Variants in PGM1 observed in about 807,000 individuals in gnomAD.
The protein encoded by PGM1 is phosphoglucomutase 1.
In PGM1, 52 loss-of-function variants were observed where a neutral mutation model predicts 55.6. That is an observed-to-expected ratio of 0.94 (90% CI 0.75 to 1.18). The LOEUF is 1.18. Among genes scored for constraint, PGM1 ranks in the 50% most tolerant of loss-of-function variants. PGM1 has a pLI of 0.00. For missense variants in PGM1, 724 were observed against 729.3 expected, an observed-to-expected ratio of 0.99 and a Z score of 0.08; for synonymous variants, 287 against 271.7, an observed-to-expected ratio of 1.06 and a Z score of -0.55.
chr1:63,641,031 G>A (rs1309491359), intron 7 of PGM1, among the ~76,000 whole-genome samples: 1 of 152,192 alleles, frequency 6.6e-6, no homozygotes, highest in Non-Finnish European at 1.5e-5. Flanking sequence ...CCCACATAAG[G>A]TTGTGGGTAA....
At chr1:63,613,259 CTTTTTTTTT>C (rs11377805) in intron 1 of PGM1, among the ~76,000 whole-genome samples, 5 of 107,868 alleles carry the variant, frequency 4.6e-5, no homozygotes, top group Admixed American at 4.1e-4. Flanking sequence ...GTTGGCTTAT[CTTTTTTTTT>C]TTTTTTTTTT....
At chr1:63,632,208 A>C (rs1425209976) in intron 4 of PGM1, among the ~76,000 whole-genome samples, 1 of 152,118 alleles carries the variant, frequency 6.6e-6, no homozygotes, top group Non-Finnish European at 1.5e-5. Context: ...AGAAGAGGGC[A>C]AGAGCAAGCT....
At chr1:63,611,192 G>C (rs1234035075) in intron 1 of PGM1, among the ~76,000 whole-genome samples, 4 of 152,112 alleles carry the variant, frequency 2.6e-5, no homozygotes, top group Admixed American at 1.3e-4. Flanking sequence ...CTAGGGAGGG[G>C]AACACGCAGG....
chr1:63,659,464 G>A (rs1650057922), intron 10 of PGM1, 122 bp from the exon 11 acceptor site: 1 of 773,480 alleles, frequency 1.3e-6, no homozygotes, highest in Non-Finnish European at 2.3e-6. Context: ...GTTTGTTTTT[G>A]GATTTGTGGA....
intron 1 of PGM1, among the ~76,000 whole-genome samples, chr1:63,619,497 G>T (rs1272221522): frequency 6.6e-6 from 1 of 152,174 alleles, no homozygotes; most frequent in Non-Finnish European, 1.5e-5. Flanking sequence ...CCCAGCTAAG[G>T]ATGGGACCCT....
intron 6 of PGM1, 116 bp downstream of exon 6, chr1:63,636,504 G>C (rs1649367879): frequency 9.4e-7 from 1 of 1,063,404 alleles, no homozygotes; most frequent in African/African-American, 1.5e-5. Flanking sequence ...CTGATGCATA[G>C]AGTGTGCTGA....
chr1:63,654,033 C>T (rs1421672683), intron 9 of PGM1, among the ~76,000 whole-genome samples: 1 of 152,130 alleles, frequency 6.6e-6, no homozygotes, highest in Admixed American at 6.5e-5. Context: ...ATGGTTAGTC[C>T]ATAAATCACA....
intron 3 of PGM1, 53 bp downstream of exon 3, chr1:63,630,141 T>C: frequency 6.3e-7 from 1 of 1,575,002 alleles, no homozygotes; most frequent in Non-Finnish European, 8.7e-7. Context: ...AGTTGAGCGA[T>C]TTTCCTTTCA....
intron 1 of PGM1, among the ~76,000 whole-genome samples, chr1:63,613,661 A>G (rs1648628070): frequency 6.6e-6 from 1 of 151,578 alleles, no homozygotes; most frequent in African/African-American, 2.4e-5. Context: ...ATTTCCAAAT[A>G]AGGTCACATC....
At chr1:63,623,704 C>T (rs768248432) in intron 1 of PGM1, 19 of 1,612,212 alleles carry the variant, frequency 1.2e-5, no homozygotes, top group South Asian at 4.4e-5. Flanking sequence ...TGGAGATGGG[C>T]GGTACTTTAA....
intron 10 of PGM1, chr1:63,656,088 A>G (rs926962680): frequency 3.9e-5 from 6 of 152,214 alleles, no homozygotes; most frequent in African/African-American, 1.4e-4. Flanking sequence ...TGCTGAGAAG[A>G]CTTGCAGTAA....
chr1:63,632,169 C>T (rs952543731), intron 4 of PGM1, among the ~76,000 whole-genome samples: 1 of 152,082 alleles, frequency 6.6e-6, no homozygotes, highest in Non-Finnish European at 1.5e-5. Context: ...CACACCCCCA[C>T]TCACCTGCCC....
intron 1 of PGM1, among the ~76,000 whole-genome samples, chr1:63,628,760 G>T (rs200950177): frequency 6.6e-6 from 1 of 152,080 alleles, no homozygotes; most frequent in South Asian, 2.1e-4. Context: ...CCCATCTGTC[G>T]CCCTTTCATG....
At chr1:63,640,102 G>A (rs1388871504) in intron 7 of PGM1, among the ~76,000 whole-genome samples, 1 of 152,164 alleles carries the variant, frequency 6.6e-6, no homozygotes, top group African/African-American at 2.4e-5. Context: ...GATACTACAT[G>A]AGTGCCCAAT....
intron 7 of PGM1, among the ~76,000 whole-genome samples, chr1:63,643,635 A>G (rs1274234411): frequency 2.0e-5 from 3 of 152,228 alleles, no homozygotes; most frequent in African/African-American, 2.4e-5. Context: ...ACAGGACTGC[A>G]GACACAGCAG....
At chr1:63,658,849 T>C (rs1267721103) in intron 10 of PGM1, among the ~76,000 whole-genome samples, 3 of 152,078 alleles carry the variant, frequency 2.0e-5, no homozygotes, top group Non-Finnish European at 4.4e-5. Context: ...AGAGGTTTAA[T>C]TGGACTTACA....
At chr1:63,626,724 G>C (rs2100979350) in intron 1 of PGM1, among the ~76,000 whole-genome samples, 1 of 151,972 alleles carries the variant, frequency 6.6e-6, no homozygotes, top group East Asian at 1.9e-4. Context: ...TTTTAGTTGT[G>C]GTAAAAACAT....
At chr1:63,659,555 A>G (rs750864477) in intron 10 of PGM1, 31 bp from the exon 11 acceptor site, 2 of 1,556,640 alleles carry the variant, frequency 1.3e-6, no homozygotes, top group Admixed American at 3.3e-5. Context: ...AGAGGAAGTG[A>G]TGGAAAAGCT....
At chr1:63,648,054 TC>T (rs1313880935) in intron 7 of PGM1, among the ~76,000 whole-genome samples, 1 of 152,216 alleles carries the variant, frequency 6.6e-6, no homozygotes, top group East Asian at 1.9e-4. Flanking sequence ...GCAGTGTGAC[TC>T]TTTTATTTGG....
Sources: allele counts gnomAD v4.1 joint callset (sites outside exome capture counted in the v4.1 genomes callset), GRCh38; gene constraint gnomAD v4.1.1; transcripts MANE v1.5; gene names NCBI Gene and HGNC (gene_info 2026-07-23, HGNC 2026-07-21).